Variants in PXDNL observed in about 807,000 individuals in gnomAD.
PXDNL encodes the protein peroxidasin like, also known as probable oxidoreductase PXDNL.
Under a neutral mutation model 150.8 loss-of-function variants are expected in PXDNL, and 145 were observed. That is an observed-to-expected ratio of 0.96 (90% CI 0.84 to 1.10). The LOEUF (loss-of-function observed/expected upper bound fraction) is 1.10, where lower values mean the gene tolerates loss of function less well. Ranked by LOEUF, PXDNL falls within the 50% of genes least tolerant of loss-of-function variation. The pLI is 0.00. For synonymous variants in PXDNL, 757 were observed against 725.7 expected, an observed-to-expected ratio of 1.04 and a Z score of -0.69; for missense variants, 2,087 against 1,873.9, an observed-to-expected ratio of 1.11 and a Z score of -2.10.
intron 4 of PXDNL, among the ~76,000 whole-genome samples, chr8:51,508,191 A>G (rs1260063488): frequency 6.6e-6 from 1 of 152,206 alleles, no homozygotes; most frequent in Admixed American, 6.5e-5. Context: ...AATAAAGGAA[A>G]TGGGCACTAA....
intron 1 of PXDNL, among the ~76,000 whole-genome samples, chr8:51,686,152 G>A (rs139920429): frequency 3.7e-4 from 57 of 152,342 alleles, no homozygotes; most frequent in African/African-American, 1.3e-3. Flanking sequence ...CCAATGGGAT[G>A]AGGAGGAGAT....
chr8:51,388,183 T>C (rs1441890632), intron 17 of PXDNL, among the ~76,000 whole-genome samples: 1 of 152,178 alleles, frequency 6.6e-6, no homozygotes, highest in East Asian at 1.9e-4. Context: ...CAAATTGATG[T>C]AGGCTCTGTT....
chr8:51,654,195 T>C (rs1387279254), intron 2 of PXDNL, among the ~76,000 whole-genome samples: 1 of 152,328 alleles, frequency 6.6e-6, no homozygotes, highest in Non-Finnish European at 1.5e-5. Context: ...TGCTTAGCCA[T>C]AAAGTTGTCA....
chr8:51,571,949 T>G (rs546061456), intron 3 of PXDNL, among the ~76,000 whole-genome samples: 1 of 152,022 alleles, frequency 6.6e-6, no homozygotes, highest in South Asian at 2.1e-4. Flanking sequence ...AGATTATCCC[T>G]TATTTACAAT....
At chr8:51,653,355 T>A (rs542443217) in intron 2 of PXDNL, among the ~76,000 whole-genome samples, 7 of 152,196 alleles carry the variant, frequency 4.6e-5, no homozygotes, top group African/African-American at 1.7e-4. Context: ...GAGGCACAGG[T>A]TGCAGTGAGC....
chr8:51,656,684 G>C (rs1459878962), intron 1 of PXDNL, among the ~76,000 whole-genome samples: 2 of 152,084 alleles, frequency 1.3e-5, no homozygotes, highest in Admixed American at 6.5e-5. Context: ...ATTCAGAAAA[G>C]TACAAATGAG....
intron 12 of PXDNL, among the ~76,000 whole-genome samples, chr8:51,437,859 G>A (rs1252290330): frequency 6.6e-6 from 1 of 152,120 alleles, no homozygotes; most frequent in Non-Finnish European, 1.5e-5. Context: ...GAGTAAAGAG[G>A]AAATCAAACT....
intron 4 of PXDNL, among the ~76,000 whole-genome samples, chr8:51,546,481 A>G (rs148876001): frequency 3.3e-3 from 501 of 152,306 alleles, no homozygotes; most frequent in Middle Eastern, 6.8e-3. Flanking sequence ...AGTCCAGGGA[A>G]GCCATTCCTA....
intron 1 of PXDNL, among the ~76,000 whole-genome samples, chr8:51,776,911 T>C (rs571497903): frequency 4.4e-4 from 67 of 152,146 alleles, no homozygotes; most frequent in Non-Finnish European, 8.1e-4. Flanking sequence ...TTTATTAGCC[T>C]AGGAACAAAT....
intron 4 of PXDNL, among the ~76,000 whole-genome samples, chr8:51,504,407 C>T (rs1811244982): frequency 1.3e-5 from 2 of 152,152 alleles, no homozygotes; most frequent in African/African-American, 4.8e-5. Context: ...TCCTCCCAGC[C>T]ACATACCTGC....
At chr8:51,512,033 C>T (rs1811432870) in intron 4 of PXDNL, among the ~76,000 whole-genome samples, 1 of 152,190 alleles carries the variant, frequency 6.6e-6, no homozygotes, top group Admixed American at 6.5e-5. Context: ...TTTTATGGCA[C>T]TGTGGCCGTG....
intron 1 of PXDNL, among the ~76,000 whole-genome samples, chr8:51,708,124 T>C (rs1224631170): frequency 6.6e-6 from 1 of 152,224 alleles, no homozygotes; most frequent in African/African-American, 2.4e-5. Flanking sequence ...TCTCCTGTAC[T>C]AGCTCCTGAG....
At chr8:51,394,853 C>A (rs1309793128) in intron 17 of PXDNL, among the ~76,000 whole-genome samples, 1 of 152,086 alleles carries the variant, frequency 6.6e-6, no homozygotes, top group Non-Finnish European at 1.5e-5. Context: ...GCCCAGGATC[C>A]AACAAAGGCA....
intron 1 of PXDNL, among the ~76,000 whole-genome samples, chr8:51,803,723 C>G (rs2037646183): frequency 6.6e-6 from 1 of 152,168 alleles, no homozygotes; most frequent in African/African-American, 2.4e-5. Context: ...GGCTTTTGTT[C>G]TTCTTTGTGT....
chr8:51,557,696 A>G (rs889117986), intron 3 of PXDNL, among the ~76,000 whole-genome samples: 2 of 152,112 alleles, frequency 1.3e-5, no homozygotes, highest in African/African-American at 4.8e-5. Flanking sequence ...TGTTAAACAC[A>G]CCAATTCTAA....
At chr8:51,608,818 C>G (rs564472395) in intron 2 of PXDNL, among the ~76,000 whole-genome samples, 17 of 106,172 alleles carry the variant, frequency 1.6e-4, no homozygotes, top group Non-Finnish European at 2.5e-4. Flanking sequence ...GCCTAGGTGA[C>G]AGAGCAAGAC....
At chr8:51,739,289 A>G (rs1036599240) in intron 1 of PXDNL, among the ~76,000 whole-genome samples, 1 of 152,194 alleles carries the variant, frequency 6.6e-6, no homozygotes, top group African/African-American at 2.4e-5. Context: ...ACAGTAAACA[A>G]TGGTCAGTGG....
chr8:51,670,157 G>A (rs761400091), intron 1 of PXDNL, among the ~76,000 whole-genome samples: 2 of 152,100 alleles, frequency 1.3e-5, no homozygotes, highest in African/African-American at 2.4e-5. Flanking sequence ...AGAATTGCTT[G>A]AACCCAGGAG....
intron 21 of PXDNL, among the ~76,000 whole-genome samples, chr8:51,335,602 C>T (rs1156241633): frequency 2.0e-5 from 3 of 151,686 alleles, no homozygotes; most frequent in Admixed American, 6.6e-5. Flanking sequence ...TTTGTAATAT[C>T]TGTGAAGACC....
Sources: gnomAD v4.1 joint callset for allele counts (sites outside exome capture counted in the v4.1 genomes callset) on GRCh38, gnomAD v4.1.1 for gene constraint, MANE v1.5 for transcripts, NCBI Gene and HGNC (gene_info 2026-07-23, HGNC 2026-07-21) for gene names.